The following CPN2 variants were observed in gnomAD, a reference collection of about 807,000 sequenced individuals.
The protein encoded by CPN2 is carboxypeptidase N subunit 2, also known as carboxypeptidase N 83 kDa chain.
For synonymous variants in CPN2, 336 were observed against 318.4 expected (o/e 1.06, Z -0.59); for missense variants, 620 against 671.4 (o/e 0.92, Z 0.85).
intron 1 of CPN2, among the ~76,000 whole-genome samples, chr3:194,345,246 C>A (rs1393255534): frequency 1.3e-5 from 2 of 152,172 alleles, no homozygotes; most frequent in African/African-American, 4.8e-5. Context: ...CTGGGATGGG[C>A]AAACCCAGAA....
In CPN2 at chr3:194,341,494, C is replaced by T. The variant is rs1357744309; in HGVS notation, c.1209G>A (p.Leu403=). The T allele has an allele frequency of 6.2e-7, 1 of 1,614,170 alleles. No homozygotes were observed. The highest frequency in any genetic ancestry group is 1.3e-5 in the African/African-American group (1 of 75,050). The change falls in exon 2 of 2, where the codon CTG becomes CTA. Residue 403 remains leucine, a synonymous_variant. Coordinates refer to ENST00000323830, the MANE Select transcript of CPN2 (RefSeq NM_001080513.4). ...GCTGCAGCCAGTTGAAGAGGTAGGC[C>T]AGGTGGCAGTCGCACTGCCAGGGGT... ...HGNPWQCDCH[L]AYLFNWLQQY...
chr3:194,347,093 G>A (rs1260778262), intron 1 of CPN2, among the ~76,000 whole-genome samples: 1 of 152,170 alleles, frequency 6.6e-6, no homozygotes, highest in Admixed American at 6.5e-5. Context: ...ACAGTGGGGT[G>A]GCAGCCAGAG....
chr3:194,341,146 A>G lies in CPN2; in HGVS notation c.1557T>C (p.Ala519=). 1 of 1,613,456 alleles carries G rather than the reference A, an allele frequency of 6.2e-7. No individual in the cohort carries two copies. The highest frequency in any genetic ancestry group is 8.5e-7 in the Non-Finnish European group (1 of 1,179,948). Reference sequence around the variant, plus strand: ...TCGACCTCAGGTCCCACTCCTGACTAGCATTGTACTGCAGTCCCAGGGAGC... The same window carrying G: ...TCGACCTCAGGTCCCACTCCTGACTGGCATTGTACTGCAGTCCCAGGGAGC... ...QQGSLGLQYN[A]SQEWDLRSSC... is the part of the protein sequence containing the mutation. The change falls in exon 2 of 2, where the codon GCT becomes GCC. Residue 519 remains alanine (A), a synonymous_variant. Transcript: ENST00000323830.
At chr3:194,345,983 A>G (rs5001414) in intron 1 of CPN2, among the ~76,000 whole-genome samples, 46,015 of 152,212 alleles carry the variant, frequency 0.3, 7,432 homozygotes, top group African/African-American at 0.4. Context: ...AAAGTCTAGT[A>G]CAGGCAAATC....
chr3:194,345,825 G>T (rs949022126), intron 1 of CPN2, among the ~76,000 whole-genome samples: 1 of 152,214 alleles, frequency 6.6e-6, no homozygotes, highest in African/African-American at 2.4e-5. Flanking sequence ...TCTGCGGAGC[G>T]AGCTGAGCTG....
chr3:194,348,436 C>T (rs534936140), intron 1 of CPN2, among the ~76,000 whole-genome samples: 1 of 152,242 alleles, frequency 6.6e-6, no homozygotes, highest in Admixed American at 6.5e-5. Context: ...CATCATAATA[C>T]CTCAGTCCCG....
At chr3:194,342,785 C>G in intron 1 of CPN2, 80 bp from the exon 2 acceptor site, 1 of 683,658 alleles carries the variant, frequency 1.5e-6, no homozygotes, top group East Asian at 2.6e-5. Context: ...GGCACAGTGA[C>G]CAGGGCATAG....
chr3:194,349,759 C>A (rs990501508), intron 1 of CPN2, among the ~76,000 whole-genome samples: 2 of 147,856 alleles, frequency 1.4e-5, no homozygotes, highest in African/African-American at 2.5e-5. Flanking sequence ...CCCCATGAAG[C>A]CTTCCTGACT....
At chr3:194,342,802 G>C (rs1402593171) in intron 1 of CPN2, 97 bp from the exon 2 acceptor site, 14 of 634,342 alleles carry the variant, frequency 2.2e-5, no homozygotes, top group African/African-American at 1.6e-4. Context: ...ATAGTGACCA[G>C]AGCACTGGAC....
At chr3:194,345,891 T>A (rs1258216879) in intron 1 of CPN2, among the ~76,000 whole-genome samples, 1 of 152,250 alleles carries the variant, frequency 6.6e-6, no homozygotes. Flanking sequence ...TCTTTGGAAA[T>A]AATGTGCTTT....
intron 1 of CPN2, among the ~76,000 whole-genome samples, chr3:194,345,419 C>A (rs143009484): frequency 9.8e-5 from 15 of 152,328 alleles, no homozygotes; most frequent in Non-Finnish European, 1.6e-4. Context: ...CTCAATCTCC[C>A]GGGTGTAAGT....
chr3:194,344,044 C>A, intron 1 of CPN2, among the ~76,000 whole-genome samples: 1 of 152,346 alleles, frequency 6.6e-6, no homozygotes, highest in East Asian at 1.9e-4. Context: ...GTCCGCGAAT[C>A]GGGTTCTGCA....
At chr3:194,349,222 G>A (rs1197124295) in intron 1 of CPN2, among the ~76,000 whole-genome samples, 4 of 152,046 alleles carry the variant, frequency 2.6e-5, no homozygotes, top group Non-Finnish European at 4.4e-5. Flanking sequence ...TTAGCTGGGC[G>A]TGGTGGTGTG....
chr3:194,342,550 C>G lies in CPN2; in HGVS notation c.153G>C (p.Thr51=). The change falls in exon 2 of 2, where the codon ACG becomes ACC. Residue 51 remains threonine (T), a synonymous_variant. Transcript: ENST00000323830. ...AGGTCTCCACAAAGATGATGTTTTT[C>G]GTATATGGCGGGATGTCCAGTGGGA... ...ATVPLDIPPY[T]KNIIFVETSF... is the part of the protein sequence containing the mutation. 1 of 1,614,110 alleles carries G rather than the reference C, an allele frequency of 6.2e-7. No homozygotes were observed. The highest frequency in any genetic ancestry group is 8.5e-7 in the Non-Finnish European group (1 of 1,180,000).
intron 1 of CPN2, among the ~76,000 whole-genome samples, chr3:194,350,292 T>C (rs1050430100): frequency 8.3e-6 from 1 of 121,008 alleles, no homozygotes; most frequent in African/African-American, 4.0e-5. Context: ...AGGCCCTGTG[T>C]GCTGAATTGA....
chr3:194,342,327 G>A lies in CPN2; in HGVS notation c.376C>T (p.Leu126Phe). 1 of 1,614,052 alleles carries A rather than the reference G, an allele frequency of 6.2e-7. No individual in the cohort carries two copies. The highest frequency in any genetic ancestry group is 8.5e-7 in the Non-Finnish European group (1 of 1,180,012). ...IFSNLTSLGK[L>F]TLNFNMLEAL... ...TCCAGCATGTTGAAGTTGAGGGTGA[G>A]CTTGCCCAGCGAGGTCAGGTTGGAG... is the stretch of plus-strand genomic sequence containing the variant. The change falls in exon 2 of 2, where the codon CTC (leucine) becomes TTC (phenylalanine). Residue 126 changes from leucine (L) to phenylalanine (F), a missense_variant. By Grantham distance (22) the Leu-to-Phe change is conservative. Coordinates refer to ENST00000323830, the MANE Select transcript of CPN2 (RefSeq NM_001080513.4).
chr3:194,345,489 G>C (rs2108649031), intron 1 of CPN2, among the ~76,000 whole-genome samples: 1 of 152,302 alleles, frequency 6.6e-6, no homozygotes, highest in East Asian at 1.9e-4. Context: ...ACTGTGCCCG[G>C]CAAATTCTTA....
At chr3:194,350,082 G>A (rs946771030) in intron 1 of CPN2, among the ~76,000 whole-genome samples, 5 of 152,188 alleles carry the variant, frequency 3.3e-5, no homozygotes, top group South Asian at 2.1e-4. Context: ...GATTACAGGC[G>A]TGAGCCACCG....
At chr3:194,346,140 G>A (rs1393447242) in intron 1 of CPN2, among the ~76,000 whole-genome samples, 1 of 152,238 alleles carries the variant, frequency 6.6e-6, no homozygotes, top group Non-Finnish European at 1.5e-5. Context: ...GCCCAGGGCA[G>A]GCAGACTGGG....
Sources: allele counts gnomAD v4.1 joint callset (sites outside exome capture counted in the v4.1 genomes callset), GRCh38; gene constraint gnomAD v4.1.1; transcripts MANE v1.5; gene names NCBI Gene and HGNC (gene_info 2026-07-23, HGNC 2026-07-21).